The following SEH1L variants were observed in gnomAD, a reference collection of about 807,000 sequenced individuals.
SEH1L encodes the protein SEH1 like nucleoporin.
A neutral mutation model predicts 49.5 loss-of-function variants in SEH1L; 18 were observed. That is an observed-to-expected ratio of 0.36 (90% confidence interval 0.25 to 0.54). SEH1L has a LOEUF of 0.54. Among genes scored for constraint, SEH1L ranks in the 20% least tolerant of loss-of-function variants. The pLI, the probability that SEH1L is intolerant of heterozygous loss-of-function variation, is 0.87. For synonymous variants in SEH1L, 169 were observed against 178.1 expected (o/e 0.95, Z 0.41); for missense variants, 404 against 528.8 (o/e 0.76, Z 2.31).
chr18:12,981,595 CTT>C (rs1019186751), intron 6 of SEH1L, among the ~76,000 whole-genome samples: 1 of 152,094 alleles, frequency 6.6e-6, no homozygotes, highest in Non-Finnish European at 1.5e-5. Flanking sequence ...AAATATATGT[CTT>C]TTTGGAAAGG....
intron 4 of SEH1L, among the ~76,000 whole-genome samples, chr18:12,968,306 G>T (rs1023516885): frequency 1.3e-5 from 2 of 152,174 alleles, no homozygotes; most frequent in African/African-American, 4.8e-5. Flanking sequence ...CCAAGAGCAG[G>T]CTGGGGCACC....
At chr18:12,975,522 C>G (rs375532816) in intron 5 of SEH1L, among the ~76,000 whole-genome samples, 1 of 151,490 alleles carries the variant, frequency 6.6e-6, no homozygotes, top group Non-Finnish European at 1.5e-5. Flanking sequence ...AGAGGGTGTT[C>G]TGCAAGCAGA....
chr18:12,951,539 C>A (rs952163648), intron 1 of SEH1L, among the ~76,000 whole-genome samples: 1 of 152,098 alleles, frequency 6.6e-6, no homozygotes, highest in African/African-American at 2.4e-5. Flanking sequence ...TATAGGCATG[C>A]GGCACCATGC....
intron 4 of SEH1L, 136 bp from the exon 5 acceptor site, chr18:12,971,017 G>A: frequency 1.6e-6 from 1 of 618,114 alleles, no homozygotes; most frequent in Non-Finnish European, 2.9e-6. Context: ...TCAGCTATGT[G>A]GCAGAGACCT....
At chr18:12,986,439 AAT>A (rs1167992847) in intron 8 of SEH1L, 1 of 986,224 alleles carries the variant, frequency 1.0e-6, no homozygotes, top group Admixed American at 6.1e-5. Flanking sequence ...CACTAAAAAA[AAT>A]GTGTGCTTGC....
At chr18:12,955,727 T>C in intron 3 of SEH1L, 118 bp downstream of exon 3, 17 of 1,007,750 alleles carry the variant, frequency 1.7e-5, no homozygotes, top group Non-Finnish European at 1.0e-5. Context: ...GTTTTACCAG[T>C]TCTAAAGTTC....
intron 3 of SEH1L, among the ~76,000 whole-genome samples, chr18:12,956,683 C>T (rs567499339): frequency 9.9e-4 from 147 of 148,670 alleles, no homozygotes; most frequent in African/African-American, 3.5e-3. Flanking sequence ...CTTCTGAAGT[C>T]CAGTTCTTCT....
rs1477681584 is a variant in SEH1L, at chr18:12,984,165, T to A, written c.1045T>A (p.Ser349Thr). 6.2e-7 allele frequency: 1 copy of A among 1,613,820 alleles called. No individual in the cohort carries two copies. Residue 349 changes from serine to threonine, a missense_variant, in exon 8 of 9, where the codon TCA (serine) becomes ACA (threonine). Transcript: ENST00000399892. ...TTCAACTATTCCAAGTCTTCAGAATTCATTAAATGGATCTTCTGCTGGCAG... is the reference window on the plus strand; with the variant it reads ...TTCAACTATTCCAAGTCTTCAGAATACATTAAATGGATCTTCTGCTGGCAG... Reference protein sequence around the residue: ...LGSTIPSLQNSLNGSSAGRYF... With the variant: ...LGSTIPSLQNTLNGSSAGRYF...
chr18:12,980,833 A>C (rs1452446266), intron 6 of SEH1L, among the ~76,000 whole-genome samples: 4 of 96,740 alleles, frequency 4.1e-5, no homozygotes, highest in Non-Finnish European at 6.4e-5. Context: ...TGACCCCCCC[A>C]CTTCCCTTCC....
At chr18:12,963,733 GAC>G (rs1476559545) in intron 4 of SEH1L, among the ~76,000 whole-genome samples, 4 of 152,250 alleles carry the variant, frequency 2.6e-5, no homozygotes, top group Admixed American at 6.5e-5. Flanking sequence ...GGTTGATTGA[GAC>G]AGAGTATTGC....
Position 12,963,207 on chromosome 18 carries a change from G to A in SEH1L, c.357G>A (p.Val119=), listed in dbSNP as rs2031277117. The A allele has an allele frequency of 6.2e-7, 1 of 1,613,970 alleles. No homozygotes were observed. Among genetic ancestry groups the A allele is most frequent in the Non-Finnish European group, 8.5e-7 (1 of 1,179,962 alleles). The change falls in exon 4 of 9, where the codon GTG becomes GTA. Residue 119 remains valine, a synonymous_variant. Transcript: ENST00000399892. Reference sequence around the variant, plus strand: ...ATAGCAGAACATCTGTTACTGATGTGAAGTTTGCTCCCAAGCACATGGGTC... The same window carrying A: ...ATAGCAGAACATCTGTTACTGATGTAAAGTTTGCTCCCAAGCACATGGGTC... ...LVDSRTSVTD[V]KFAPKHMGLM...
intron 3 of SEH1L, among the ~76,000 whole-genome samples, chr18:12,962,459 C>CTTTTTTTTTTTTTTTTTTTTTT (rs3070220): frequency 1.1e-4 from 7 of 63,654 alleles, no homozygotes; most frequent in East Asian, 1.2e-3. Context: ...GCATGCCTTT[C>CTTTTTTTTTTTTTTTTTTTTTT]TTTTTTTTTT....
rs578153523 is a variant in SEH1L at position 12,951,632 on chromosome 18, C to T, written c.112-223C>T. Among the ~76,000 whole-genome samples, 4 of 152,322 alleles carry T rather than the reference C, an allele frequency of 2.6e-5. No individual in the cohort carries two copies. In the East Asian group the frequency reaches 7.7e-4, roughly 29 times the overall value. On this transcript the variant is annotated intron_variant, in intron 1 of 8. Transcript: ENST00000399892. ...TCTCGAACTCCTGACCTCAGGTGAT[C>T]CGTTTGCCTTGGCCTCCCAAAGTGC...
chr18:12,979,313 A>G (rs1409423896), intron 6 of SEH1L, among the ~76,000 whole-genome samples: 3 of 150,418 alleles, frequency 2.0e-5, no homozygotes, highest in South Asian at 2.1e-4. Context: ...AACAAAGCAC[A>G]TCTTGCACCA....
intron 2 of SEH1L, among the ~76,000 whole-genome samples, chr18:12,953,345 A>G (rs7236729): frequency 0.025 from 3,835 of 152,144 alleles, 142 homozygotes; most frequent in African/African-American, 0.087. Context: ...GTAGACATAT[A>G]TTTTCATTTC....
At chr18:12,951,402 A>G (rs2030517225) in intron 1 of SEH1L, among the ~76,000 whole-genome samples, 1 of 151,448 alleles carries the variant, frequency 6.6e-6, no homozygotes, top group Non-Finnish European at 1.5e-5. Flanking sequence ...CTCAATGTAA[A>G]TTTTTTGAGA....
At chr18:12,960,005 T>C (rs2031096976) in intron 3 of SEH1L, among the ~76,000 whole-genome samples, 1 of 152,210 alleles carries the variant, frequency 6.6e-6, no homozygotes, top group South Asian at 2.1e-4. Context: ...GTAGATTTTA[T>C]GTGACTAGAT....
intron 3 of SEH1L, among the ~76,000 whole-genome samples, chr18:12,959,952 G>C (rs1211828356): frequency 6.6e-6 from 1 of 152,174 alleles, no homozygotes; most frequent in African/African-American, 2.4e-5. Flanking sequence ...GAAGATGGGA[G>C]GGCAAGATCT....
chr18:12,959,392 G>C (rs2031062342), intron 3 of SEH1L, among the ~76,000 whole-genome samples: 1 of 152,186 alleles, frequency 6.6e-6, no homozygotes, highest in African/African-American at 2.4e-5. Context: ...GAGTTGCCCA[G>C]GCTGGTCTTG....
Sources: allele counts gnomAD v4.1 joint callset (sites outside exome capture counted in the v4.1 genomes callset), GRCh38; gene constraint gnomAD v4.1.1; transcripts MANE v1.5; gene names NCBI Gene and HGNC (gene_info 2026-07-23, HGNC 2026-07-21).